Variants in XKR6 observed in about 807,000 individuals in gnomAD.
XKR6 encodes XK related 6, also known as XK-related protein 6.
Under a neutral mutation model 56.7 loss-of-function variants are expected in XKR6, and 22 were observed. That is an observed-to-expected ratio of 0.39 (90% confidence interval 0.28 to 0.55). XKR6 has a LOEUF of 0.55. Among genes scored for constraint, XKR6 ranks in the 20% least tolerant of loss-of-function variants. The pLI is 0.66. For missense variants in XKR6, 852 were observed against 889.0 expected, an observed-to-expected ratio of 0.96 and a Z score of 0.53; for synonymous variants, 524 against 387.8, an observed-to-expected ratio of 1.35 and a Z score of -4.13.
intron 1 of XKR6, among the ~76,000 whole-genome samples, chr8:11,120,574 G>A (rs199532271): frequency 6.6e-6 from 1 of 152,042 alleles, no homozygotes; most frequent in Non-Finnish European, 1.5e-5. Context: ...ATGCTCATGG[G>A]TAGGAAGAAT....
chr8:10,964,116 T>G (rs1802142464), intron 1 of XKR6, among the ~76,000 whole-genome samples: 1 of 152,198 alleles, frequency 6.6e-6, no homozygotes, highest in Non-Finnish European at 1.5e-5. Flanking sequence ...GCTCTGAGAA[T>G]CTTCTCCTGG....
At chr8:11,053,043 C>T (rs1480273608) in intron 1 of XKR6, among the ~76,000 whole-genome samples, 1 of 152,152 alleles carries the variant, frequency 6.6e-6, no homozygotes, top group East Asian at 1.9e-4. Flanking sequence ...GGGGCTGAAG[C>T]CCAGCTGACC....
At chr8:11,142,616 G>C (rs1462105920) in intron 1 of XKR6, among the ~76,000 whole-genome samples, 1 of 152,108 alleles carries the variant, frequency 6.6e-6, no homozygotes, top group African/African-American at 2.4e-5. Context: ...CCTTGCTCCA[G>C]CTCTTGCCAT....
intron 1 of XKR6, among the ~76,000 whole-genome samples, chr8:10,969,626 T>C (rs193198397): frequency 6.6e-6 from 1 of 152,260 alleles, no homozygotes; most frequent in Admixed American, 6.5e-5. Flanking sequence ...GGGACAGTCA[T>C]CCTGAAAGGC....
At chr8:10,926,593 G>C (rs919189184) in intron 1 of XKR6, among the ~76,000 whole-genome samples, 2 of 152,260 alleles carry the variant, frequency 1.3e-5, no homozygotes, top group African/African-American at 4.8e-5. Flanking sequence ...TGGGAGGAAG[G>C]TTGGGGCACC....
intron 1 of XKR6, among the ~76,000 whole-genome samples, chr8:10,969,339 T>C (rs1802329403): frequency 6.6e-6 from 1 of 152,206 alleles, no homozygotes; most frequent in African/African-American, 2.4e-5. Context: ...TATGCTCCAA[T>C]AGTCTCAGAT....
intron 1 of XKR6, among the ~76,000 whole-genome samples, chr8:11,068,801 C>A (rs1490893857): frequency 6.6e-6 from 1 of 152,188 alleles, no homozygotes; most frequent in African/African-American, 2.4e-5. Flanking sequence ...AACAGCCCAC[C>A]CCTGGCCAAG....
rs536202540 is a variant in XKR6, at chr8:11,201,601, C to G, written c.-262G>C. Among the ~76,000 whole-genome samples, 4 of 152,120 alleles carry G rather than the reference C, an allele frequency of 2.6e-5. No homozygotes were observed. Among genetic ancestry groups the G allele is most frequent in the Admixed American group, 1.3e-4 (2 of 15,298 alleles). ...CCTCCCGGCCAAGATGGCCGCCCTCCTGTGCCTCAGCTGCTGGGCGGGGGA... is the reference window on the plus strand; with the variant it reads ...CCTCCCGGCCAAGATGGCCGCCCTCGTGTGCCTCAGCTGCTGGGCGGGGGA... On this transcript the variant is annotated 5_prime_UTR_variant, in exon 1 of 3. Transcript: ENST00000416569.
intron 1 of XKR6, among the ~76,000 whole-genome samples, chr8:10,957,382 T>C (rs1453272245): frequency 1.3e-5 from 2 of 152,128 alleles, no homozygotes; most frequent in African/African-American, 2.4e-5. Flanking sequence ...CGTGTCACCA[T>C]TGGAACACCC....
chr8:10,954,866 C>CTCTTTTTTTTTTTTTTTTTTTT (rs1563309729), intron 1 of XKR6, among the ~76,000 whole-genome samples: 22 of 92,786 alleles, frequency 2.4e-4, no homozygotes, highest in Non-Finnish European at 3.9e-4. Context: ...ACTTCATTCT[C>CTCTTTTTTTTTTTTTTTTTTTT]TTTTTTTTTT....
At chr8:11,197,511 C>A (rs11250120) in intron 1 of XKR6, among the ~76,000 whole-genome samples, 129,400 of 152,246 alleles carry the variant, frequency 0.85, 55,359 homozygotes, top group East Asian at 0.95. Flanking sequence ...AATGTGACTC[C>A]TGCTCCTGGA....
Position 11,191,818 on chromosome 8 carries a change from A to T in XKR6, c.764+8758T>A, listed in dbSNP as rs146048330. On this transcript the variant is annotated intron_variant, in intron 1 of 2. Coordinates refer to ENST00000416569, the MANE Select transcript of XKR6 (RefSeq NM_173683.4). ...AAACCCACAAGCAAATTTGCTGGGG[A>T]CAACTAGGCAAATCTGAGTACAAAA... Among the ~76,000 whole-genome samples, 1,325 of 152,278 alleles carry T rather than the reference A, an allele frequency of 8.7e-3. 17 individuals carry two copies. Among genetic ancestry groups the T allele is most frequent in the African/African-American group, 0.028 (1,173 of 41,552 alleles).
intron 1 of XKR6, among the ~76,000 whole-genome samples, chr8:11,154,607 G>C (rs1443261141): frequency 6.6e-6 from 1 of 152,220 alleles, no homozygotes; most frequent in African/African-American, 2.4e-5. Context: ...GTTGGTGTGA[G>C]AAGTGAGAGT....
chr8:10,975,230 C>A (rs1344011625), intron 1 of XKR6, among the ~76,000 whole-genome samples: 1 of 152,202 alleles, frequency 6.6e-6, no homozygotes, highest in East Asian at 1.9e-4. Context: ...CCCTTGGCTG[C>A]CCCGGCAGGG....
chr8:10,959,466 G>A (rs1801997678), intron 1 of XKR6, among the ~76,000 whole-genome samples: 1 of 152,228 alleles, frequency 6.6e-6, no homozygotes, highest in African/African-American at 2.4e-5. Flanking sequence ...CAATTCTGGA[G>A]TCTGGGAAGT....
At chr8:11,145,938 G>A (rs911874325) in intron 1 of XKR6, among the ~76,000 whole-genome samples, 1 of 152,058 alleles carries the variant, frequency 6.6e-6, no homozygotes, top group Non-Finnish European at 1.5e-5. Flanking sequence ...ATGACTTCAA[G>A]ACTTTATAAT....
chr8:11,129,488 C>T (rs1233275530), intron 1 of XKR6, among the ~76,000 whole-genome samples: 1 of 152,110 alleles, frequency 6.6e-6, no homozygotes, highest in East Asian at 1.9e-4. Context: ...GAGAGCTGCT[C>T]TCCACTTCCA....
At chr8:11,179,601 C>A (rs1394464119) in intron 1 of XKR6, among the ~76,000 whole-genome samples, 1 of 152,152 alleles carries the variant, frequency 6.6e-6, no homozygotes, top group Non-Finnish European at 1.5e-5. Context: ...CAACAGAAGC[C>A]CAACTCAGGT....
At chr8:11,167,081 G>A (rs758765765) in intron 1 of XKR6, among the ~76,000 whole-genome samples, 7 of 152,094 alleles carry the variant, frequency 4.6e-5, no homozygotes, top group Non-Finnish European at 8.8e-5. Flanking sequence ...AAGAGAACAA[G>A]GCTGACTGGG....
Sources: gnomAD v4.1 joint callset for allele counts (sites outside exome capture counted in the v4.1 genomes callset) on GRCh38, gnomAD v4.1.1 for gene constraint, MANE v1.5 for transcripts, NCBI Gene and HGNC (gene_info 2026-07-23, HGNC 2026-07-21) for gene names.